The following PAPSS1 variants were observed in gnomAD, a reference collection of about 807,000 sequenced individuals.
PAPSS1 encodes bifunctional 3'-phosphoadenosine 5'-phosphosulfate synthase 1.
PAPSS1 carries 50 observed loss-of-function variants against 72.0 expected under a neutral mutation model. The ratio of observed to expected loss-of-function variants is 0.69; its 90% CI spans 0.55 to 0.88. The LOEUF (loss-of-function observed/expected upper bound fraction) is 0.88, where lower values mean the gene tolerates loss of function less well. Ranked by LOEUF, PAPSS1 falls within the 40% of genes least tolerant of loss-of-function variation. The pLI, the probability that PAPSS1 is intolerant of heterozygous loss-of-function variation, is 0.00. For synonymous variants in PAPSS1, 261 were observed against 263.6 expected (o/e 0.99, Z 0.09); for missense variants, 657 against 782.2 (o/e 0.84, Z 1.91).
intron 10 of PAPSS1, among the ~76,000 whole-genome samples, chr4:107,644,270 T>C (rs193178156): frequency 2.6e-5 from 4 of 152,202 alleles, no homozygotes; most frequent in African/African-American, 9.6e-5. Flanking sequence ...CCTAAGGCAG[T>C]CATAAAACCT....
chr4:107,659,217 T>C (rs900692981), intron 6 of PAPSS1, among the ~76,000 whole-genome samples: 1 of 152,186 alleles, frequency 6.6e-6, no homozygotes, highest in Non-Finnish European at 1.5e-5. Context: ...ACCAATATAA[T>C]TTACTCCCAT....
chr4:107,651,614 A>T (rs1483802464), intron 9 of PAPSS1, among the ~76,000 whole-genome samples: 1 of 152,166 alleles, frequency 6.6e-6, no homozygotes, highest in Non-Finnish European at 1.5e-5. Context: ...AGAACCAAGC[A>T]AAAGGGGAAG....
chr4:107,717,954 A>C (rs1032991247), intron 1 of PAPSS1, among the ~76,000 whole-genome samples: 3 of 152,224 alleles, frequency 2.0e-5, no homozygotes, highest in African/African-American at 7.2e-5. Flanking sequence ...TGAATTAACA[A>C]GAACATAAAT....
At chr4:107,671,186 T>C (rs1039917508) in intron 5 of PAPSS1, among the ~76,000 whole-genome samples, 1 of 151,888 alleles carries the variant, frequency 6.6e-6, no homozygotes, top group Non-Finnish European at 1.5e-5. Flanking sequence ...TGCGGAATCC[T>C]GGACTGAATC....
At chr4:107,619,547 C>T (rs967600535) in intron 11 of PAPSS1, among the ~76,000 whole-genome samples, 1 of 151,998 alleles carries the variant, frequency 6.6e-6, no homozygotes, top group African/African-American at 2.4e-5. Flanking sequence ...TTCAAATGGA[C>T]ATTATTTTAC....
intron 5 of PAPSS1, among the ~76,000 whole-genome samples, chr4:107,666,827 A>G (rs1727330587): frequency 6.6e-6 from 1 of 152,206 alleles, no homozygotes; most frequent in Non-Finnish European, 1.5e-5. Flanking sequence ...GTCCCAGACC[A>G]TAGTACTTTC....
At position 107,657,126 on chromosome 4, in the gene PAPSS1, A is replaced by G. The variant is rs942009079; in HGVS notation, c.784-119T>C. 3 of 672,998 alleles carry G rather than the reference A, an allele frequency of 4.5e-6. No homozygotes were observed. In the African/African-American group the frequency reaches 5.4e-5, roughly 12 times the overall value. 41.7% of individuals were successfully genotyped at this position (672,998 alleles called of 1,614,324 possible). ...GGAAACAAACAGTGTAAGGATGAGT[A>G]TAGATTATACCAAACTAACAAAGAA... is the stretch of plus-strand genomic sequence containing the variant. On this transcript the variant is annotated intron_variant, in intron 6 of 11. Coordinates refer to ENST00000265174, the MANE Select transcript of PAPSS1 (RefSeq NM_005443.5).
chr4:107,710,772 C>T (rs1723471192), intron 1 of PAPSS1, among the ~76,000 whole-genome samples: 1 of 152,234 alleles, frequency 6.6e-6, no homozygotes, highest in Non-Finnish European at 1.5e-5. Context: ...TGTGTCCTGG[C>T]TCGCTCCTGT....
intron 11 of PAPSS1, among the ~76,000 whole-genome samples, chr4:107,617,240 A>C (rs1725848693): frequency 6.7e-6 from 1 of 149,358 alleles, no homozygotes; most frequent in South Asian, 2.1e-4. Flanking sequence ...CCGGCCTCCA[A>C]GCATCTCCTG....
At chr4:107,624,700 T>C (rs770441082) in intron 11 of PAPSS1, among the ~76,000 whole-genome samples, 2 of 152,192 alleles carry the variant, frequency 1.3e-5, no homozygotes, top group African/African-American at 2.4e-5. Context: ...TTAGGTCTTA[T>C]CTATTAATGA....
chr4:107,718,870 G>A (rs184052368), intron 1 of PAPSS1, among the ~76,000 whole-genome samples: 18 of 152,276 alleles, frequency 1.2e-4, no homozygotes, highest in Admixed American at 3.3e-4. Flanking sequence ...TCAAATTCAT[G>A]ATCTGTCTTC....
intron 9 of PAPSS1, among the ~76,000 whole-genome samples, chr4:107,650,178 G>A (rs1726802192): frequency 6.6e-6 from 1 of 152,180 alleles, no homozygotes; most frequent in Non-Finnish European, 1.5e-5. Context: ...TCTCTCCCCT[G>A]AACACATCAG....
At chr4:107,691,421 C>A (rs1722914532) in intron 3 of PAPSS1, among the ~76,000 whole-genome samples, 1 of 152,078 alleles carries the variant, frequency 6.6e-6, no homozygotes, top group Non-Finnish European at 1.5e-5. Flanking sequence ...AGATTTCAGC[C>A]CCTTTGTTTC....
chr4:107,623,521 C>A (rs552696149), intron 11 of PAPSS1, among the ~76,000 whole-genome samples: 3 of 152,264 alleles, frequency 2.0e-5, no homozygotes, highest in South Asian at 4.2e-4. Context: ...TTTAATATCA[C>A]CCAGGTAATG....
intron 11 of PAPSS1, among the ~76,000 whole-genome samples, chr4:107,622,799 AC>A (rs1444829893): frequency 2.0e-5 from 3 of 152,228 alleles, no homozygotes; most frequent in African/African-American, 4.8e-5. Context: ...TGAAACACGA[AC>A]CCTTCACTAA....
intron 9 of PAPSS1, among the ~76,000 whole-genome samples, chr4:107,653,100 T>TATGAATATATATGAATATATAC (rs1197962299): frequency 1.4e-5 from 2 of 144,580 alleles, no homozygotes; most frequent in African/African-American, 4.9e-5. Flanking sequence ...TATGAATACA[T>TATGAATATATATGAATATATAC]ATGAATATAT....
intron 10 of PAPSS1, among the ~76,000 whole-genome samples, chr4:107,635,065 C>T (rs140873052): frequency 5.1e-4 from 77 of 152,130 alleles, no homozygotes; most frequent in East Asian, 1.9e-3. Flanking sequence ...CCCAAAGTGC[C>T]AGGATTACAG....
intron 3 of PAPSS1, among the ~76,000 whole-genome samples, chr4:107,688,392 C>T (rs1012656213): frequency 1.3e-5 from 2 of 152,184 alleles, no homozygotes; most frequent in East Asian, 1.9e-4. Flanking sequence ...CTGTAACACA[C>T]TACAATTGTG....
rs760199441 is a variant in PAPSS1 at position 107,682,065 on chromosome 4, A to G, written c.619T>C (p.Cys207Arg). Residue 207 changes from cysteine to arginine, a missense_variant, in exon 5 of 12, where the codon TGT (cysteine) becomes CGT (arginine). By Grantham distance (180) the Cys-to-Arg change is radical (BLOSUM62 -3). Transcript: ENST00000265174. ...TGCTGGACACAGTCATTTACATCAC[A>G]GGAGTCTGTTTTCAGCACCAACTCA... is the stretch of plus-strand genomic sequence containing the variant. ...APELVLKTDS[C>R]DVNDCVQQVV... 6.2e-7 allele frequency: 1 copy of G among 1,611,672 alleles called. No individual in the cohort carries two copies. The highest frequency in any genetic ancestry group is 1.1e-5 in the South Asian group (1 of 90,922).
Sources: allele counts gnomAD v4.1 joint callset (sites outside exome capture counted in the v4.1 genomes callset), GRCh38; gene constraint gnomAD v4.1.1; transcripts MANE v1.5; gene names NCBI Gene and HGNC (gene_info 2026-07-23, HGNC 2026-07-21).